The following E2F2 variants were observed in gnomAD, a reference collection of about 807,000 sequenced individuals.
E2F2 encodes the protein E2F transcription factor 2.
Under a neutral mutation model 42.2 loss-of-function variants are expected in E2F2, and 22 were observed. The ratio of observed to expected loss-of-function variants is 0.52; its 90% confidence interval spans 0.37 to 0.74. E2F2 has a LOEUF of 0.74. Among genes scored for constraint, E2F2 ranks in the 30% least tolerant of loss-of-function variants. E2F2 has a pLI of 0.00. For missense variants in E2F2, 481 were observed against 557.8 expected, an observed-to-expected ratio of 0.86 and a Z score of 1.39; for synonymous variants, 248 against 251.6, an observed-to-expected ratio of 0.99 and a Z score of 0.13.
At chr1:23,521,569 C>T (rs954547600) in intron 3 of E2F2, 46 of 985,292 alleles carry the variant, frequency 4.7e-5, no homozygotes, top group Non-Finnish European at 4.9e-5. Flanking sequence ...TTGGCCTTTA[C>T]ACCTCCCAGA....
chr1:23,511,155 A>C (rs1434082173), intron 6 of E2F2, among the ~76,000 whole-genome samples: 1 of 151,656 alleles, frequency 6.6e-6, no homozygotes, highest in African/African-American at 2.4e-5. Flanking sequence ...TGCTAAACCC[A>C]ATGGTCATTT....
chr1:23,515,815 C>A (rs1047563709), intron 6 of E2F2, among the ~76,000 whole-genome samples: 1 of 152,204 alleles, frequency 6.6e-6, no homozygotes, highest in Non-Finnish European at 1.5e-5. Context: ...GTTCCTCCCA[C>A]CTCAGCTTCC....
chr1:23,519,292 G>T, intron 4 of E2F2, 162 bp from the exon 5 acceptor site: 1 of 481,886 alleles, frequency 2.1e-6, no homozygotes, highest in Non-Finnish European at 3.8e-6. Context: ...AATCTCATAA[G>T]CTACCTTAGA....
intron 6 of E2F2, among the ~76,000 whole-genome samples, chr1:23,514,428 G>T (rs3218194): frequency 0.03 from 4,528 of 152,182 alleles, 109 homozygotes; most frequent in Non-Finnish European, 0.049. Flanking sequence ...TGGGAGGCTG[G>T]GCTCTGGTCC....
chr1:23,525,986 C>T (rs1363429485), intron 1 of E2F2, among the ~76,000 whole-genome samples: 2 of 152,052 alleles, frequency 1.3e-5, no homozygotes, highest in Non-Finnish European at 2.9e-5. Context: ...GGTGACAGCT[C>T]TTCCTGCTGT....
In E2F2 at chr1:23,520,914, T is replaced by C. The variant is rs201120779; in HGVS notation, c.736A>G (p.Arg246Gly). ...KHLTEDKANK[R>G]LAYVTYQDIR... The stretch of plus-strand genomic sequence containing the variant: ...CCTTCCCCCAACCAAGGAGGATATC[T>C]CTTGTTGGCCTTGTCCTCAGTCAGG... The change falls in exon 4 of 7, where the codon AGG becomes GGG. Residue 246 changes from arginine to glycine, a missense_variant and splice_region_variant. Physicochemically the swap from Arg to Gly is moderately radical, Grantham distance 125. Transcript: ENST00000361729. 3.5e-5 allele frequency: 56 copies of C among 1,581,588 alleles called. No individual in the cohort carries two copies. The highest frequency in any genetic ancestry group is 4.2e-5 in the Non-Finnish European group (49 of 1,163,978).
chr1:23,517,060 G>A (rs1643039261), intron 5 of E2F2, among the ~76,000 whole-genome samples: 1 of 152,174 alleles, frequency 6.6e-6, no homozygotes, highest in Non-Finnish European at 1.5e-5. Context: ...GAGAAAAGCA[G>A]AGAGATGAAA....
In E2F2 at chr1:23,530,880, G is replaced by A; in HGVS notation, c.-87C>T. On this transcript the variant is annotated 5_prime_UTR_variant, in exon 1 of 7. Transcript: ENST00000361729. This position sits in a 1 kb window ranked among gnomAD's most constrained non-coding sequence, Gnocchi z 4.4. ...GGTGCTGCCGCCTTTCACACGGCCC[G>A]CGGCATGGCGCGGAGGCCGGGGGAA... The A allele has an allele frequency of 2.9e-6, 4 of 1,393,306 alleles. No homozygotes were observed. Among genetic ancestry groups the A allele is most frequent in the Non-Finnish European group, 3.7e-6 (4 of 1,075,190 alleles). The allele number at this position is 1,393,306 out of a possible 1,614,324, so 86.3% of individuals were successfully genotyped here.
chr1:23,515,687 AT>A (rs1643004318), intron 6 of E2F2, among the ~76,000 whole-genome samples: 1 of 150,658 alleles, frequency 6.6e-6, no homozygotes, highest in South Asian at 2.1e-4. Flanking sequence ...CGCCTGGCCT[AT>A]TTTTTAAAAT....
chr1:23,521,145 A>G (rs577801193), intron 3 of E2F2, 74 bp from the exon 4 acceptor site: 1 of 1,437,582 alleles, frequency 7.0e-7, no homozygotes, highest in Non-Finnish European at 9.2e-7. Context: ...AAAATAGTCT[A>G]TGAGGGTGCT....
At position 23,516,363 on chromosome 1, in the gene E2F2, A is replaced by G. The variant is rs1643017159; in HGVS notation, c.1017T>C (p.Pro339=). Residue 339 remains proline (P), a synonymous_variant, in exon 6 of 7, where the codon CCT becomes CCC. Coordinates refer to ENST00000361729, the MANE Select transcript of E2F2 (RefSeq NM_004091.4). Reference sequence around the variant, plus strand: ...AGGATGCTGTGGGCTCCATGATGCTAGGGTCGGTGCTGCTGCTGGGCTGGG... The same window carrying G: ...AGGATGCTGTGGGCTCCATGATGCTGGGGTCGGTGCTGCTGCTGGGCTGGG... ...DSAQPSSSTD[P]SIMEPTASSV... is the part of the protein sequence containing the mutation. 6.4e-7 allele frequency: 1 copy of G among 1,569,528 alleles called. No individual in the cohort carries two copies. Among genetic ancestry groups the G allele is most frequent in the Non-Finnish European group, 8.6e-7 (1 of 1,161,408 alleles).
At chr1:23,514,220 G>C (rs1642970385) in intron 6 of E2F2, among the ~76,000 whole-genome samples, 1 of 152,200 alleles carries the variant, frequency 6.6e-6, no homozygotes, top group African/African-American at 2.4e-5. Context: ...GGTGGTTCCA[G>C]CTTCGGAGGG....
rs373472449 is a variant in E2F2 at position 23,516,762 on chromosome 1, C to T, written c.853-235G>A. ...ACCTTGATTTTCCTGTGGGAAATCA[C>T]TCTTCCCCCCACTCTCAGGTCATCT... On this transcript the variant is annotated intron_variant, in intron 5 of 6. Coordinates refer to ENST00000361729, the MANE Select transcript of E2F2 (RefSeq NM_004091.4). Among the ~76,000 whole-genome samples, 423 of 143,874 alleles carry T rather than the reference C, an allele frequency of 2.9e-3. 4 individuals are homozygous for T. The highest frequency in any genetic ancestry group is 0.01 in the African/African-American group (392 of 38,162). The allele number at this position is 143,874 out of a possible 152,430, so 94.4% of individuals were successfully genotyped here.
At position 23,522,077 on chromosome 1, in the gene E2F2, G is replaced by A. The variant is rs375143911; in HGVS notation, c.359-21C>T. The A allele has an allele frequency of 1.8e-4, 285 of 1,611,766 alleles. 1 individual carries two copies. The Middle Eastern group carries it at 4.6e-3, about 26-fold the overall frequency. ...GGGGGCTGAAGAAGAAAGGGACCCAGTCACAGCTCAGGGAGGGGAGGGCCC... is the reference window on the plus strand; with the variant it reads ...GGGGGCTGAAGAAGAAAGGGACCCAATCACAGCTCAGGGAGGGGAGGGCCC... On this transcript the variant is annotated intron_variant, in intron 2 of 6. Transcript: ENST00000361729.
chr1:23,517,001 A>G (rs939663304), intron 5 of E2F2, among the ~76,000 whole-genome samples: 1 of 152,082 alleles, frequency 6.6e-6, no homozygotes, highest in Non-Finnish European at 1.5e-5. Flanking sequence ...CATAAAAGCT[A>G]CCTCTACCAC....
At chr1:23,512,959 T>C (rs1388560917) in intron 6 of E2F2, among the ~76,000 whole-genome samples, 2 of 151,930 alleles carry the variant, frequency 1.3e-5, no homozygotes, top group Non-Finnish European at 1.5e-5. Flanking sequence ...ATTATAGGCA[T>C]GCACCACCAC....
At chr1:23,516,799 G>T (rs3218185) in intron 5 of E2F2, among the ~76,000 whole-genome samples, 41 of 21,236 alleles carry the variant, frequency 1.9e-3, no homozygotes, top group African/African-American at 3.3e-3. Flanking sequence ...GTTTTGGGGC[G>T]GGGGGGGGGG....
Position 23,530,700 on chromosome 1 carries a change from G to A in E2F2, c.94C>T (p.Leu32Phe), listed in dbSNP as rs1480837233. ...GCTGGGCAGAGCTGGGGGCTGCTGA[G>A]GCCGGATGGCCACAGCTCTGTGGGG... is the stretch of plus-strand genomic sequence containing the variant. ...MSPTELWPSG[L>F]SSPQLCPATA... The change falls in exon 1 of 7, where the codon CTC becomes TTC. Residue 32 changes from leucine (L) to phenylalanine (F), a missense_variant. Physicochemically the swap from Leu to Phe is conservative, Grantham distance 22. Transcript: ENST00000361729. The surrounding 1 kb of genome is among the most constrained non-coding windows in gnomAD (Gnocchi z 4.4). 6.2e-7 allele frequency: 1 copy of A among 1,611,288 alleles called. No individual in the cohort carries two copies. Among genetic ancestry groups the A allele is most frequent in the Non-Finnish European group, 8.5e-7 (1 of 1,179,180 alleles).
At chr1:23,525,047 G>A (rs1395653660) in intron 1 of E2F2, among the ~76,000 whole-genome samples, 1 of 152,230 alleles carries the variant, frequency 6.6e-6, no homozygotes, top group East Asian at 1.9e-4. Flanking sequence ...GGGAAGCAGT[G>A]CAAACATCCC....
Sources: allele counts gnomAD v4.1 joint callset (sites outside exome capture counted in the v4.1 genomes callset), GRCh38; gene constraint gnomAD v4.1.1; non-coding constraint Gnocchi (gnomAD v3.1); transcripts MANE v1.5; gene names NCBI Gene and HGNC (gene_info 2026-07-23, HGNC 2026-07-21).